The following NQO2 variants were observed in gnomAD, a reference collection of about 807,000 sequenced individuals.
The protein encoded by NQO2 is N-ribosyldihydronicotinamide:quinone dehydrogenase 2.
A neutral mutation model predicts 22.0 loss-of-function variants in NQO2; 18 were observed. The ratio of observed to expected loss-of-function variants is 0.82; its 90% CI spans 0.56 to 1.21. The LOEUF (loss-of-function observed/expected upper bound fraction) is 1.21, where lower values mean the gene tolerates loss of function less well. Ranked by LOEUF, NQO2 falls within the 50% of genes most tolerant of loss-of-function variation. The pLI is 0.00. For missense variants in NQO2, 267 were observed against 286.9 expected (o/e 0.93, Z 0.50); for synonymous variants, 106 against 110.8 (o/e 0.96, Z 0.28).
chr6:3,011,634 A>G (rs966999208), intron 3 of NQO2, among the ~76,000 whole-genome samples: 1 of 152,108 alleles, frequency 6.6e-6, no homozygotes, highest in Admixed American at 6.6e-5. Context: ...AAATAGGACT[A>G]CCCCAAGGCA....
At chr6:3,010,310 A>G in intron 3 of NQO2, 121 bp downstream of exon 3, 1 of 777,628 alleles carries the variant, frequency 1.3e-6, no homozygotes, top group Non-Finnish European at 2.0e-6. Flanking sequence ...CTTTCCAAAA[A>G]CAAATAGATA....
intron 3 of NQO2, chr6:3,012,300 T>A (rs992905772): frequency 2.7e-6 from 2 of 743,888 alleles, no homozygotes; most frequent in Admixed American, 6.3e-5. Context: ...GTCTCACCAG[T>A]TGTTATGAAG....
rs193255873 is a variant in NQO2, at chr6:3,014,382, C to T, written c.304-1148C>T. Among the ~76,000 whole-genome samples the T allele has an allele frequency of 2.0e-3, 311 of 152,248 alleles. 1 individual carries two copies. The highest frequency in any genetic ancestry group is 3.4e-3 in the Non-Finnish European group (234 of 68,018). ...AGGTGACCATGTGGTTTACCATCTC[C>T]GTCTTAATACCATGCCAGTATGACG... On this transcript the variant is annotated intron_variant, in intron 4 of 6. Coordinates refer to ENST00000380455, the MANE Select transcript of NQO2 (RefSeq NM_000904.6).
intron 5 of NQO2, among the ~76,000 whole-genome samples, chr6:3,016,411 A>G (rs1757328453): frequency 1.4e-5 from 2 of 142,156 alleles, no homozygotes; most frequent in Admixed American, 7.1e-5. Context: ...AGCCTGGGTG[A>G]CAAAGCGAGA....
rs28383613 is a variant in NQO2 at position 3,006,138 on chromosome 6, G to C, written c.-85-330G>C. Among the ~76,000 whole-genome samples the C allele has an allele frequency of 0.023, 3,485 of 152,278 alleles. 129 individuals carry two copies. The highest frequency in any genetic ancestry group is 0.079 in the African/African-American group (3,283 of 41,532). On this transcript the variant is annotated intron_variant, in intron 1 of 6. Transcript: ENST00000380455. The surrounding 1 kb of genome is among the most constrained non-coding windows in gnomAD (Gnocchi z 4.0). ...TCACTGATCCCCCAGCCTTCTGCTC[G>C]ATCTACGGGGAAAACTGGGGAAGGC...
intron 3 of NQO2, 126 bp from the exon 4 acceptor site, chr6:3,012,418 G>A (rs1757163421): frequency 6.7e-7 from 1 of 1,488,306 alleles, no homozygotes; most frequent in South Asian, 1.4e-5. Flanking sequence ...TGCAGCTTCT[G>A]GTCAGGTTGC....
chr6:3,010,245 T>TA, intron 3 of NQO2, 56 bp downstream of exon 3: 4 of 1,422,964 alleles, frequency 2.8e-6, no homozygotes, highest in Non-Finnish European at 3.7e-6. Context: ...TTTTTTACTT[T>TA]AAAAAATGTT....
intron 6 of NQO2, 54 bp downstream of exon 6, chr6:3,017,039 C>A: frequency 4.4e-6 from 7 of 1,574,434 alleles, no homozygotes; most frequent in Non-Finnish European, 6.0e-6. Context: ...CACACAGACA[C>A]ACACATGCAC....
intron 2 of NQO2, 30 bp from the exon 3 acceptor site, chr6:3,009,995 C>A (rs770661555): frequency 6.3e-7 from 1 of 1,588,028 alleles, no homozygotes; most frequent in Admixed American, 1.8e-5. Context: ...GGTTGTTCTT[C>A]AAGAGGAACT....
intron 3 of NQO2, 35 bp from the exon 4 acceptor site, chr6:3,012,509 C>CTAGGA: frequency 6.2e-7 from 1 of 1,613,054 alleles, no homozygotes; most frequent in Non-Finnish European, 8.5e-7. Context: ...GGATGCCCAC[C>CTAGGA]TAGGAGTGAG....
intron 1 of NQO2, among the ~76,000 whole-genome samples, chr6:3,005,144 G>T (rs953661063): frequency 6.6e-6 from 1 of 152,138 alleles, no homozygotes; most frequent in African/African-American, 2.4e-5. Flanking sequence ...TTTCATTCAT[G>T]TACTGATAGA....
At chr6:3,005,406 T>C (rs925147476) in intron 1 of NQO2, among the ~76,000 whole-genome samples, 3 of 152,162 alleles carry the variant, frequency 2.0e-5, no homozygotes, top group African/African-American at 7.2e-5. Flanking sequence ...CACCTACGTG[T>C]GTTTTGTTTT....
chr6:3,013,307 G>T lies in NQO2; in HGVS notation c.303+633G>T, dbSNP rs1185838217. Among the ~76,000 whole-genome samples the T allele has an allele frequency of 2.0e-5, 3 of 152,206 alleles. No individual in the cohort carries two copies. The East Asian group carries it at 5.8e-4, about 29-fold the overall frequency. On this transcript the variant is annotated intron_variant, in intron 4 of 6. Transcript: ENST00000380455. ...CTAATTGGGTAAAGATATCCACGTA[G>T]CCAATATCACTCACTCCAAATCCCG...
intron 1 of NQO2, among the ~76,000 whole-genome samples, chr6:3,003,944 G>C (rs1011060601): frequency 1.1e-4 from 17 of 151,342 alleles, no homozygotes; most frequent in African/African-American, 4.1e-4. Flanking sequence ...GCAGCCCCAA[G>C]AGAGCCCCGG....
chr6:3,011,295 G>A (rs1001833860), intron 3 of NQO2, among the ~76,000 whole-genome samples: 3 of 152,096 alleles, frequency 2.0e-5, no homozygotes, highest in Non-Finnish European at 2.9e-5. Context: ...CAGAAATCTT[G>A]GAACTAGAAA....
intron 4 of NQO2, among the ~76,000 whole-genome samples, chr6:3,013,766 G>A (rs150242996): frequency 1.3e-4 from 20 of 152,290 alleles, no homozygotes; most frequent in African/African-American, 3.4e-4. Flanking sequence ...AGCAGAGTAC[G>A]CACATGAGCT....
At chr6:3,015,122 C>G (rs755958056) in intron 4 of NQO2, 37 of 1,295,892 alleles carry the variant, frequency 2.9e-5, no homozygotes, top group Non-Finnish European at 3.6e-5. Flanking sequence ...ATGCTCAGCA[C>G]CGAACTCAGT....
At chr6:3,009,238 A>G (rs1757063743) in intron 2 of NQO2, among the ~76,000 whole-genome samples, 1 of 152,232 alleles carries the variant, frequency 6.6e-6, no homozygotes. Flanking sequence ...TTGCTGAGAA[A>G]AAGAATTCAG....
chr6:3,012,574 A>C lies in NQO2; in HGVS notation c.203A>C (p.Tyr68Ser). The change falls in exon 4 of 7, where the codon TAT becomes TCT. Residue 68 changes from tyrosine to serine, a missense_variant. Tyr to Ser is a moderately radical substitution (Grantham distance 144). Transcript: ENST00000380455. ...CTTTCTAATCCTGAGGTTTTCAATT[A>C]TGGAGTGGAAACCCACGAAGCCTAC... ...GTLSNPEVFN[Y>S]GVETHEAYKQ... 1 of 1,614,186 alleles carries C rather than the reference A, an allele frequency of 6.2e-7. No homozygotes were observed. The highest frequency in any genetic ancestry group is 8.5e-7 in the Non-Finnish European group (1 of 1,180,034).
Sources: gnomAD v4.1 joint callset for allele counts (sites outside exome capture counted in the v4.1 genomes callset) on GRCh38, gnomAD v4.1.1 for gene constraint, Gnocchi (gnomAD v3.1) non-coding constraint, MANE v1.5 for transcripts, NCBI Gene and HGNC (gene_info 2026-07-23, HGNC 2026-07-21) for gene names.